GIGYF2: variants seen among roughly 807,000 people sequenced by gnomAD.
The protein encoded by GIGYF2 is GRB10-interacting GYF protein 2.
A neutral mutation model predicts 208.1 loss-of-function variants in GIGYF2; 25 were observed. The ratio of observed to expected loss-of-function variants is 0.12; its 90% confidence interval spans 0.09 to 0.17. The LOEUF (loss-of-function observed/expected upper bound fraction) is 0.17, where lower values mean the gene tolerates loss of function less well. GIGYF2 is among the 10% of genes least tolerant of loss of function. The probability of loss-of-function intolerance (pLI) is 1.00; values close to 1 mark genes in which losing one functional copy is unlikely to be tolerated. For missense variants in GIGYF2, 1,302 were observed against 1,579.4 expected, an observed-to-expected ratio of 0.82 and a Z score of 2.98; for synonymous variants, 534 against 543.8, an observed-to-expected ratio of 0.98 and a Z score of 0.25.
intron 2 of GIGYF2, among the ~76,000 whole-genome samples, chr2:232,706,832 T>C (rs1235541449): frequency 1.3e-5 from 2 of 151,646 alleles, no homozygotes; most frequent in African/African-American, 4.8e-5. Flanking sequence ...TGGTAATGCA[T>C]GCCTTGGTCC....
chr2:232,802,630 C>T (rs1437407956), intron 14 of GIGYF2, among the ~76,000 whole-genome samples: 2 of 151,974 alleles, frequency 1.3e-5, no homozygotes, highest in Non-Finnish European at 2.9e-5. Context: ...TAATATATTG[C>T]TGAATTTGCT....
chr2:232,698,326 C>A (rs1202913408), intron 1 of GIGYF2: 1 of 152,186 alleles, frequency 6.6e-6, no homozygotes, highest in Non-Finnish European at 1.5e-5. Flanking sequence ...TCCAGTTTAA[C>A]TTGCAAGAAA....
chr2:232,748,931 TTTC>T (rs910730431), intron 4 of GIGYF2, 53 bp from the exon 5 acceptor site: 2 of 828,902 alleles, frequency 2.4e-6, no homozygotes, highest in Non-Finnish European at 4.3e-6. Flanking sequence ...TCTTCTTGTA[TTTC>T]TTCTTATTGC....
At chr2:232,788,452 A>G (rs1699981365) in intron 9 of GIGYF2, 3 of 388,584 alleles carry the variant, frequency 7.7e-6, no homozygotes, top group South Asian at 6.0e-5. Context: ...GTTCTCTAAA[A>G]GGCATCACTG....
intron 18 of GIGYF2, 24 bp from the exon 19 acceptor site, chr2:232,815,613 G>C: frequency 8.2e-7 from 1 of 1,219,516 alleles, no homozygotes; most frequent in South Asian, 1.2e-5. Flanking sequence ...GTCATTCCTC[G>C]TTGTTTCTTT....
intron 2 of GIGYF2, chr2:232,706,026 C>G (rs1574765419): frequency 6.6e-6 from 1 of 152,238 alleles, no homozygotes; most frequent in East Asian, 1.9e-4. Flanking sequence ...GTTTGTAGCT[C>G]ATATATACTT....
rs553035705 is a variant in GIGYF2 at position 232,821,255 on chromosome 2, C to T, written c.2529+1270C>T. ...TCTCGCTCTGTTGCCCAGGCTGGAG[C>T]GCAGTGGTGCCATCTTGACTTACTG... On this transcript the variant is annotated intron_variant, in intron 21 of 28. Transcript: ENST00000373563. 5.3e-5 allele frequency among the ~76,000 whole-genome samples: 8 copies of T among 152,058 alleles called. No homozygotes were observed. In the South Asian group the frequency reaches 8.3e-4, roughly 16 times the overall value.
chr2:232,815,386 A>G (rs1700877038), intron 18 of GIGYF2, among the ~76,000 whole-genome samples: 1 of 152,190 alleles, frequency 6.6e-6, no homozygotes, highest in African/African-American at 2.4e-5. Flanking sequence ...GAATAGAAAC[A>G]TTATAGGGCT....
intron 4 of GIGYF2, among the ~76,000 whole-genome samples, chr2:232,748,257 T>C (rs1698221106): frequency 6.6e-6 from 1 of 152,180 alleles, no homozygotes; most frequent in Non-Finnish European, 1.5e-5. Context: ...CACTGACTAG[T>C]AAGAAATAAT....
chr2:232,816,049 A>G, intron 19 of GIGYF2: 1 of 366,602 alleles, frequency 2.7e-6, no homozygotes, highest in Non-Finnish European at 5.2e-6. Context: ...GTGAGAAAAT[A>G]TCCACTACAT....
chr2:232,855,093 T>G (rs1168916247), intron 28 of GIGYF2, among the ~76,000 whole-genome samples: 2 of 143,850 alleles, frequency 1.4e-5, no homozygotes, highest in Admixed American at 1.4e-4. Flanking sequence ...TTTTTTTTTT[T>G]TTTTTTTTTT....
chr2:232,829,249 A>G (rs868226082), intron 21 of GIGYF2, among the ~76,000 whole-genome samples: 9 of 152,188 alleles, frequency 5.9e-5, no homozygotes, highest in African/African-American at 2.2e-4. Flanking sequence ...TTGTTACGAA[A>G]TGTTCCTATT....
intron 20 of GIGYF2, 145 bp from the exon 21 acceptor site, chr2:232,819,682 A>C: frequency 3.3e-6 from 2 of 612,904 alleles, no homozygotes; most frequent in Middle Eastern, 4.4e-4. Flanking sequence ...TATACTTTTT[A>C]CTCCAGATCA....
intron 2 of GIGYF2, among the ~76,000 whole-genome samples, chr2:232,726,191 A>C (rs550286386): frequency 2.0e-5 from 3 of 152,208 alleles, no homozygotes; most frequent in Admixed American, 1.3e-4. Flanking sequence ...CCAATATGCA[A>C]AACCCTGCCT....
At chr2:232,800,048 G>A (rs1700349191) in intron 14 of GIGYF2, among the ~76,000 whole-genome samples, 1 of 147,236 alleles carries the variant, frequency 6.8e-6, no homozygotes, top group South Asian at 2.1e-4. Flanking sequence ...TATATGATTT[G>A]TAAATATTTT....
chr2:232,854,385 G>C (rs867446110), intron 28 of GIGYF2, among the ~76,000 whole-genome samples: 2 of 152,136 alleles, frequency 1.3e-5, no homozygotes, highest in African/African-American at 4.8e-5. Context: ...CCCAGCTACT[G>C]GGGAGGCTGA....
chr2:232,759,926 G>A (rs978595545), intron 6 of GIGYF2, among the ~76,000 whole-genome samples: 6 of 152,038 alleles, frequency 3.9e-5, no homozygotes, highest in African/African-American at 1.4e-4. Flanking sequence ...TCAAGATTTG[G>A]GTGTAGAGTA....
Position 232,787,216 on chromosome 2 carries a change from A to G in GIGYF2, c.599A>G (p.Glu200Gly), listed in dbSNP as rs778259018. Residue 200 changes from glutamate to glycine, a missense_variant, in exon 9 of 29, where the codon GAA becomes GGA. By Grantham distance (98) the Glu-to-Gly change is moderately conservative. Transcript: ENST00000373563. ...VGRKHEFIRS[E>G]SENWRIFREE... is the part of the protein sequence containing the mutation. ...AGAAAGCATGAATTTATACGCTCAG[A>G]AAGTGAAAATTGGCGCATCTTTAGA... 2.5e-6 allele frequency: 4 copies of G among 1,614,112 alleles called. No homozygotes were observed. In the South Asian group the frequency reaches 4.4e-5, roughly 18 times the overall value.
chr2:232,832,792 T>G, intron 21 of GIGYF2, 65 bp from the exon 22 acceptor site: 1 of 1,215,954 alleles, frequency 8.2e-7, no homozygotes, highest in East Asian at 2.5e-5. Flanking sequence ...CTTTCAAAAG[T>G]GAGTCAGATT....
Sources: allele counts gnomAD v4.1 joint callset (sites outside exome capture counted in the v4.1 genomes callset), GRCh38; gene constraint gnomAD v4.1.1; transcripts MANE v1.5; gene names NCBI Gene and HGNC (gene_info 2026-07-23, HGNC 2026-07-21).